Variants in SRBD1 observed in about 807,000 individuals in gnomAD.
The protein encoded by SRBD1 is S1 RNA-binding domain-containing protein 1.
A neutral mutation model predicts 115.3 loss-of-function variants in SRBD1; 88 were observed. The observed-to-expected ratio is 0.76, with a 90% CI of 0.64 to 0.91. The LOEUF is 0.91. Among genes scored for constraint, SRBD1 ranks in the 40% least tolerant of loss-of-function variants. The pLI is 0.00. For synonymous variants in SRBD1, 509 were observed against 407.7 expected, an observed-to-expected ratio of 1.25 and a Z score of -2.99; for missense variants, 1,385 against 1,177.4, an observed-to-expected ratio of 1.18 and a Z score of -2.58.
At chr2:45,418,323 G>C in intron 18 of SRBD1, 42 bp downstream of exon 18, 1 of 1,595,756 alleles carries the variant, frequency 6.3e-7, no homozygotes, top group Non-Finnish European at 8.6e-7. Context: ...AGTAACAAGA[G>C]AGGAGGTTGA....
chr2:45,581,052 G>A (rs549864594), intron 6 of SRBD1, among the ~76,000 whole-genome samples: 2 of 151,948 alleles, frequency 1.3e-5, no homozygotes, highest in Non-Finnish European at 2.9e-5. Context: ...CACATACCTT[G>A]CAGGAAATGA....
chr2:45,541,103 G>A lies in SRBD1; in HGVS notation c.1874+5629C>T, dbSNP rs144770283. On this transcript the variant is annotated intron_variant, in intron 14 of 20. Coordinates refer to ENST00000263736, the MANE Select transcript of SRBD1 (RefSeq NM_018079.5). ...GTGAGCCAGGCGTAGTGCGGTGAGC[G>A]GTGTGTGAGTGAGCACAGGGTCCGG... Among the ~76,000 whole-genome samples the A allele has an allele frequency of 2.0e-3, 309 of 152,332 alleles. 1 individual carries two copies. The highest frequency in any genetic ancestry group is 2.8e-3 in the Non-Finnish European group (192 of 68,022).
At chr2:45,569,653 G>A (rs1268766142) in intron 9 of SRBD1, among the ~76,000 whole-genome samples, 2 of 152,050 alleles carry the variant, frequency 1.3e-5, no homozygotes, top group African/African-American at 4.8e-5. Flanking sequence ...AACACTGGCA[G>A]TTTCCTAATT....
rs754452121 is a variant in SRBD1, at chr2:45,389,362, T to C, written c.2936A>G (p.Asn979Ser). ...AATCCTAGATCGGGGGATGTCAATG[T>C]TGAGTACTTGGACTTCCACTCTTTC... Reference protein sequence around the residue: ...PGERVEVQVLNIDIPRSRITL... With the variant: ...PGERVEVQVLSIDIPRSRITL... Residue 979 changes from asparagine to serine, a missense_variant, in exon 21 of 21, where the codon AAC (asparagine) becomes AGC (serine). By Grantham distance (46) the Asn-to-Ser change is conservative. Transcript: ENST00000263736. The C allele has an allele frequency of 6.2e-7, 1 of 1,614,076 alleles. No homozygotes were observed. Among genetic ancestry groups the C allele is most frequent in the Non-Finnish European group, 8.5e-7 (1 of 1,179,952 alleles).
At chr2:45,574,273 C>T (rs1012575592) in intron 8 of SRBD1, among the ~76,000 whole-genome samples, 12 of 152,102 alleles carry the variant, frequency 7.9e-5, no homozygotes, top group African/African-American at 2.9e-4. Context: ...AATAAGCATA[C>T]ATCACAATCA....
At chr2:45,500,944 G>A (rs1007747749) in intron 14 of SRBD1, among the ~76,000 whole-genome samples, 2 of 152,106 alleles carry the variant, frequency 1.3e-5, no homozygotes, top group Non-Finnish European at 2.9e-5. Context: ...GGGAAAGTAG[G>A]CATACTTGTC....
intron 14 of SRBD1, among the ~76,000 whole-genome samples, chr2:45,520,395 C>T (rs1234592589): frequency 2.0e-5 from 3 of 152,330 alleles, no homozygotes; most frequent in Admixed American, 2.0e-4. Context: ...CTGCCACAGG[C>T]TGTTTGCTTT....
chr2:45,469,553 T>G (rs1333539534), intron 16 of SRBD1, among the ~76,000 whole-genome samples: 1 of 152,220 alleles, frequency 6.6e-6, no homozygotes, highest in African/African-American at 2.4e-5. Context: ...AGGTTATGTG[T>G]GTGTATACAT....
intron 9 of SRBD1, among the ~76,000 whole-genome samples, chr2:45,565,925 C>A (rs1476899806): frequency 6.6e-6 from 1 of 152,192 alleles, no homozygotes; most frequent in East Asian, 1.9e-4. Context: ...CGCGCCTGGC[C>A]ACAACCCAAT....
chr2:45,583,371 C>T (rs1354558012), intron 5 of SRBD1, among the ~76,000 whole-genome samples: 2 of 152,072 alleles, frequency 1.3e-5, no homozygotes, highest in Admixed American at 1.3e-4. Flanking sequence ...GTCATTTTAA[C>T]AAAAAGCCAA....
At chr2:45,513,867 T>C (rs748188580) in intron 14 of SRBD1, among the ~76,000 whole-genome samples, 1 of 152,126 alleles carries the variant, frequency 6.6e-6, no homozygotes. Context: ...TAAAGACAAG[T>C]TTATTCTCTC....
chr2:45,450,899 C>G (rs574546469), intron 16 of SRBD1, among the ~76,000 whole-genome samples: 11 of 152,216 alleles, frequency 7.2e-5, no homozygotes, highest in African/African-American at 2.4e-4. Context: ...AAATGTCAAT[C>G]AAATCTGAGC....
At chr2:45,582,049 T>A (rs1673381829) in intron 5 of SRBD1, among the ~76,000 whole-genome samples, 1 of 152,230 alleles carries the variant, frequency 6.6e-6, no homozygotes, top group African/African-American at 2.4e-5. Flanking sequence ...ACTAATATAT[T>A]ACTACCATCT....
intron 16 of SRBD1, among the ~76,000 whole-genome samples, chr2:45,459,206 C>G (rs1040705870): frequency 5.9e-5 from 9 of 152,152 alleles, no homozygotes; most frequent in Admixed American, 2.0e-4. Flanking sequence ...ACACTATAGA[C>G]TTACAAAAAA....
At chr2:45,431,859 A>T (rs1668348211) in intron 16 of SRBD1, among the ~76,000 whole-genome samples, 1 of 152,218 alleles carries the variant, frequency 6.6e-6, no homozygotes, top group Admixed American at 6.5e-5. Context: ...TAACTCACTG[A>T]ATTTAGAAGT....
In SRBD1 at chr2:45,580,037, T is replaced by C. The variant is rs376171439; in HGVS notation, c.934-24A>G. On this transcript the variant is annotated intron_variant, in intron 6 of 20. Coordinates refer to ENST00000263736, the MANE Select transcript of SRBD1 (RefSeq NM_018079.5). ...GACTAGAAAATAAAGACAGAAAACA[T>C]ATGATTATGTTTTAAAAAAACAAAA... 13 of 1,464,134 alleles carry C rather than the reference T, an allele frequency of 8.9e-6. No individual in the cohort carries two copies. The African/African-American group carries it at 1.0e-4, about 11-fold the overall frequency. The allele number at this position is 1,464,134 out of a possible 1,614,324, so 90.7% of individuals were successfully genotyped here.
chr2:45,597,421 C>CAA (rs753591482), intron 4 of SRBD1, among the ~76,000 whole-genome samples: 3 of 67,802 alleles, frequency 4.4e-5, no homozygotes, highest in South Asian at 4.6e-4. Context: ...CTCTGTCTCA[C>CAA]AAAAAAAAAA....
intron 16 of SRBD1, among the ~76,000 whole-genome samples, chr2:45,450,350 G>C (rs1210274630): frequency 6.6e-6 from 1 of 152,064 alleles, no homozygotes; most frequent in African/African-American, 2.4e-5. Flanking sequence ...GAAATTGTAG[G>C]TATAATTGAG....
At chr2:45,390,919 A>C (rs1190575703) in intron 20 of SRBD1, among the ~76,000 whole-genome samples, 1 of 152,234 alleles carries the variant, frequency 6.6e-6, no homozygotes, top group Non-Finnish European at 1.5e-5. Flanking sequence ...TAAAGCAGTG[A>C]ATTCCAAAAG....
Sources: gnomAD v4.1 joint callset for allele counts (sites outside exome capture counted in the v4.1 genomes callset) on GRCh38, gnomAD v4.1.1 for gene constraint, MANE v1.5 for transcripts, NCBI Gene and HGNC (gene_info 2026-07-23, HGNC 2026-07-21) for gene names.